The following C5orf34 variants were observed in gnomAD, a reference collection of about 807,000 sequenced individuals.
C5orf34 encodes chromosome 5 open reading frame 34, also known as uncharacterized protein C5orf34.
C5orf34 carries 73 observed loss-of-function variants against 78.4 expected under a neutral mutation model. That is an observed-to-expected ratio of 0.93 (90% CI 0.77 to 1.13). C5orf34 has a LOEUF of 1.13. C5orf34 is among the 50% of genes most tolerant of loss of function. The pLI is 0.00. For synonymous variants in C5orf34, 251 were observed against 246.6 expected, an observed-to-expected ratio of 1.02 and a Z score of -0.17; for missense variants, 730 against 732.7, an observed-to-expected ratio of 1.00 and a Z score of 0.04.
At chr5:43,512,375 G>A (rs1031978953) in intron 1 of C5orf34, among the ~76,000 whole-genome samples, 1 of 152,176 alleles carries the variant, frequency 6.6e-6, no homozygotes, top group Non-Finnish European at 1.5e-5. Flanking sequence ...AACAGCTCAA[G>A]TGTAGTATTC....
At position 43,509,302 on chromosome 5, in the gene C5orf34, T is replaced by C. The variant is rs181614668; in HGVS notation, c.38A>G (p.Asp13Gly). The change falls in exon 2 of 13, where the codon GAT becomes GGT. Residue 13 changes from aspartate to glycine, a missense_variant. Asp to Gly is a moderately conservative substitution (Grantham distance 94, BLOSUM62 -1). Transcript: ENST00000306862. Reference sequence around the variant, plus strand: ...ATCAACATATTGTACTTGTACTGAATCATCTTCATAAAGTATCATTCGCAG... The same window carrying C: ...ATCAACATATTGTACTTGTACTGAACCATCTTCATAAAGTATCATTCGCAG... The part of the protein sequence containing the change: ...AELRMILYED[D>G]SVQVQYVDGS... 9.6e-5 allele frequency: 155 copies of C among 1,613,412 alleles called. No homozygotes were observed. Among genetic ancestry groups the C allele is most frequent in the Non-Finnish European group, 1.2e-4 (140 of 1,179,748 alleles).
chr5:43,508,459 T>A (rs1336290440), intron 3 of C5orf34, 118 bp downstream of exon 3: 1 of 621,700 alleles, frequency 1.6e-6, no homozygotes, highest in African/African-American at 1.8e-5. Flanking sequence ...ACTTTGATGT[T>A]TTATAGCAAT....
intron 11 of C5orf34, among the ~76,000 whole-genome samples, chr5:43,489,053 T>C (rs1378938935): frequency 6.6e-6 from 1 of 152,104 alleles, no homozygotes; most frequent in Non-Finnish European, 1.5e-5. Context: ...AGAACTTGGA[T>C]ACAACTTACC....
intron 10 of C5orf34, among the ~76,000 whole-genome samples, chr5:43,491,050 T>C (rs2112268225): frequency 6.6e-6 from 1 of 152,284 alleles, no homozygotes; most frequent in Middle Eastern, 3.4e-3. Context: ...TTTTTCAAAG[T>C]AAAATGCGTT....
At chr5:43,499,031 G>C (rs550802270) in intron 6 of C5orf34, among the ~76,000 whole-genome samples, 63 of 152,320 alleles carry the variant, frequency 4.1e-4, no homozygotes, top group Non-Finnish European at 7.9e-4. Flanking sequence ...TGTTGAATAA[G>C]ATAGGGCTTA....
At position 43,490,614 on chromosome 5, in the gene C5orf34, G is replaced by A; in HGVS notation, c.1679+17C>T. 1 of 1,502,834 alleles carries A rather than the reference G, an allele frequency of 6.7e-7. No individual in the cohort carries two copies. The highest frequency in any genetic ancestry group is 9.3e-7 in the Non-Finnish European group (1 of 1,079,914). 93.1% of individuals were successfully genotyped at this position (1,502,834 alleles called of 1,614,324 possible). ...TATTAGCTCTTCTAAACAGATTTAA[G>A]TTTAAAAGAAAAATACCAATTTTCT... On this transcript the variant is annotated intron_variant, in intron 11 of 12. Coordinates refer to ENST00000306862, the MANE Select transcript of C5orf34 (RefSeq NM_198566.4).
chr5:43,492,272 G>A lies in C5orf34; in HGVS notation c.1523C>T (p.Thr508Ile), dbSNP rs778993554. Residue 508 changes from threonine (T) to isoleucine (I), a missense_variant, in exon 10 of 13, where the codon ACT becomes ATT. Physicochemically the swap from Thr to Ile is moderately conservative, Grantham distance 89. Transcript: ENST00000306862. ...TAACTGCTCTTGTCCATCAGGAAAA[G>A]TTAACTTACACCAACCTAAGTTAAG... ...QGLNLGWCKLTFPDGQEQLIQ... is the reference protein window; with the variant it reads ...QGLNLGWCKLIFPDGQEQLIQ... The A allele has an allele frequency of 1.2e-5, 19 of 1,611,950 alleles. No homozygotes were observed. The highest frequency in any genetic ancestry group is 1.3e-5 in the African/African-American group (1 of 74,874).
At chr5:43,496,422 G>A (rs1329290892) in intron 6 of C5orf34, 16 of 1,593,694 alleles carry the variant, frequency 1.0e-5, no homozygotes, top group African/African-American at 5.4e-5. Context: ...GTCCAATGAC[G>A]ACAATGTTGA....
chr5:43,488,222 C>T (rs1745139094), intron 11 of C5orf34: 2 of 443,680 alleles, frequency 4.5e-6, no homozygotes, highest in Non-Finnish European at 8.1e-6. Context: ...GGATAATGGG[C>T]CTTCCTGTTA....
intron 6 of C5orf34, among the ~76,000 whole-genome samples, chr5:43,501,675 A>T (rs1745766320): frequency 6.6e-6 from 1 of 152,184 alleles, no homozygotes; most frequent in South Asian, 2.1e-4. Flanking sequence ...TAGTTAAAAA[A>T]ATCTCAATTT....
At chr5:43,488,740 CT>C (rs1280261656) in intron 11 of C5orf34, among the ~76,000 whole-genome samples, 14 of 152,136 alleles carry the variant, frequency 9.2e-5, no homozygotes, top group African/African-American at 3.4e-4. Context: ...AGCAGAACCC[CT>C]AAGTGTGTGT....
chr5:43,511,239 G>A (rs918572712), intron 1 of C5orf34: 10 of 169,594 alleles, frequency 5.9e-5, no homozygotes, highest in African/African-American at 2.2e-4. Context: ...GAGCCTCTCC[G>A]CCTGGCAGCC....
Position 43,503,675 on chromosome 5 carries a change from C to G in C5orf34, c.1018G>C (p.Val340Leu), listed in dbSNP as rs748411227. The G allele has an allele frequency of 8.7e-6, 14 of 1,609,266 alleles. No individual in the cohort carries two copies. The highest frequency in any genetic ancestry group is 1.7e-5 in the Admixed American group (1 of 59,990). ...ELVKMVWYKG[V>L]TYRLTHQNMN... ...ACATAGGTGCCTTACCTATATGTAA[C>G]ACCTTTGTACCAAACCATTTTCACT... The change falls in exon 5 of 13, where the codon GTT becomes CTT. Residue 340 changes from valine (V) to leucine (L), a missense_variant. Physicochemically the swap from Val to Leu is conservative, Grantham distance 32. Coordinates refer to ENST00000306862, the MANE Select transcript of C5orf34 (RefSeq NM_198566.4).
chr5:43,498,191 T>C (rs1381163514), intron 6 of C5orf34, among the ~76,000 whole-genome samples: 1 of 152,238 alleles, frequency 6.6e-6, no homozygotes, highest in Non-Finnish European at 1.5e-5. Context: ...GTCTGTATCA[T>C]TATCATTTAT....
rs142686774 is a variant in C5orf34, at chr5:43,505,878, T to C, written c.802A>G (p.Met268Val). 9.3e-5 allele frequency: 150 copies of C among 1,613,954 alleles called. No individual in the cohort carries two copies. The Admixed American group carries it at 1.0e-3, about 11-fold the overall frequency. ...ALHFHNKISNMSKIDAHITQS... is the reference protein window; with the variant it reads ...ALHFHNKISNVSKIDAHITQS... ...GTTATATGTGCATCAATTTTAGACA[T>C]ATTGCTGATTTTATTATGAAAATGA... Residue 268 changes from methionine (M) to valine (V), a missense_variant, in exon 4 of 13, where the codon ATG becomes GTG. By Grantham distance (21) the Met-to-Val change is conservative (BLOSUM62 1). Coordinates refer to ENST00000306862, the MANE Select transcript of C5orf34 (RefSeq NM_198566.4).
At chr5:43,505,280 G>A (rs1745931897) in intron 4 of C5orf34, among the ~76,000 whole-genome samples, 1 of 152,194 alleles carries the variant, frequency 6.6e-6, no homozygotes, top group Non-Finnish European at 1.5e-5. Flanking sequence ...CCAAAGACAC[G>A]GGTAGCCTCT....
rs1745425043 is a variant in C5orf34, at chr5:43,494,704, A to G, written c.1153-103T>C. 4 of 569,582 alleles carry G rather than the reference A, an allele frequency of 7.0e-6. No homozygotes were observed. The East Asian group carries it at 1.2e-4, about 17-fold the overall frequency. 35.3% of individuals were successfully genotyped at this position (569,582 alleles called of 1,614,324 possible). On this transcript the variant is annotated intron_variant, in intron 6 of 12. Coordinates refer to ENST00000306862, the MANE Select transcript of C5orf34 (RefSeq NM_198566.4). Reference sequence around the variant, plus strand: ...ATGTTTTTACAATAGTGACAAGACGAGTAGTTATTTTAACAAAATAAAGCC... The same window carrying G: ...ATGTTTTTACAATAGTGACAAGACGGGTAGTTATTTTAACAAAATAAAGCC...
At chr5:43,512,875 C>A (rs551667845) in intron 1 of C5orf34, among the ~76,000 whole-genome samples, 2 of 140,284 alleles carry the variant, frequency 1.4e-5, no homozygotes, top group South Asian at 2.3e-4. Flanking sequence ...CTCTGCCTCC[C>A]GGGTTCAAGT....
intron 1 of C5orf34, among the ~76,000 whole-genome samples, chr5:43,513,548 A>G (rs1339482162): frequency 6.6e-6 from 1 of 152,180 alleles, no homozygotes; most frequent in African/African-American, 2.4e-5. Flanking sequence ...CTCCTAAACT[A>G]TGGCCTACAA....
Sources: allele counts gnomAD v4.1 joint callset (sites outside exome capture counted in the v4.1 genomes callset), GRCh38; gene constraint gnomAD v4.1.1; transcripts MANE v1.5; gene names NCBI Gene and HGNC (gene_info 2026-07-23, HGNC 2026-07-21).